Variants in CTNNA3 observed in about 807,000 individuals in gnomAD.
CTNNA3 encodes the protein catenin alpha 3.
CTNNA3 carries 76 observed loss-of-function variants against 95.7 expected under a neutral mutation model. The ratio of observed to expected loss-of-function variants is 0.79; its 90% CI spans 0.66 to 0.96. CTNNA3 has a LOEUF of 0.96. Ranked by LOEUF, CTNNA3 falls within the 40% of genes least tolerant of loss-of-function variation. CTNNA3 has a pLI of 0.00. For missense variants in CTNNA3, 1,191 were observed against 1,089.8 expected, an observed-to-expected ratio of 1.09 and a Z score of -1.31; for synonymous variants, 431 against 374.4, an observed-to-expected ratio of 1.15 and a Z score of -1.74.
chr10:66,378,499 T>C (rs1176933738), intron 12 of CTNNA3, among the ~76,000 whole-genome samples: 1 of 152,176 alleles, frequency 6.6e-6, no homozygotes, highest in East Asian at 1.9e-4. Context: ...TTTGAATCCA[T>C]ATGAATTCAG....
chr10:67,750,814 T>C, intron 1 of CTNNA3: 1 of 1,610,106 alleles, frequency 6.2e-7, no homozygotes, highest in Non-Finnish European at 8.5e-7. Flanking sequence ...TGGACTGAAA[T>C]ATAAACCAGT....
intron 1 of CTNNA3, among the ~76,000 whole-genome samples, chr10:67,716,602 G>C (rs1031257992): frequency 2.0e-5 from 3 of 152,122 alleles, no homozygotes; most frequent in African/African-American, 7.2e-5. Context: ...TTAGTTTGCT[G>C]ACAACGATGG....
At chr10:66,742,605 C>A (rs1244145149) in intron 9 of CTNNA3, among the ~76,000 whole-genome samples, 1 of 152,106 alleles carries the variant, frequency 6.6e-6, no homozygotes, top group Admixed American at 6.6e-5. Context: ...AGGATGTCTC[C>A]CCCGGACACC....
intron 7 of CTNNA3, among the ~76,000 whole-genome samples, chr10:66,804,649 G>T (rs1841568365): frequency 6.6e-6 from 1 of 151,950 alleles, no homozygotes; most frequent in Admixed American, 6.6e-5. Context: ...CTAGATGAAC[G>T]TTTATTAAAC....
chr10:67,145,896 T>C (rs1746596411), intron 7 of CTNNA3, among the ~76,000 whole-genome samples: 1 of 152,338 alleles, frequency 6.6e-6, no homozygotes, highest in Non-Finnish European at 1.5e-5. Flanking sequence ...GTTATTACCA[T>C]ATTGAGGATT....
intron 3 of CTNNA3, among the ~76,000 whole-genome samples, chr10:67,603,050 T>A (rs2133372136): frequency 6.6e-6 from 1 of 152,294 alleles, no homozygotes; most frequent in South Asian, 2.1e-4. Context: ...TAACTAACAG[T>A]CATGATTTAC....
At chr10:66,371,695 C>T (rs549944253) in intron 12 of CTNNA3, among the ~76,000 whole-genome samples, 21 of 152,196 alleles carry the variant, frequency 1.4e-4, no homozygotes, top group African/African-American at 4.8e-4. Flanking sequence ...TCCCCCTTTG[C>T]TAACAGACTT....
At chr10:67,757,876 T>A (rs1404795853) in intron 1 of CTNNA3, among the ~76,000 whole-genome samples, 1 of 152,144 alleles carries the variant, frequency 6.6e-6, no homozygotes, top group African/African-American at 2.4e-5. Flanking sequence ...ATTAGTTCTG[T>A]CCCTCTAGAG....
At chr10:66,851,071 G>A (rs1180783112) in intron 7 of CTNNA3, among the ~76,000 whole-genome samples, 1 of 152,024 alleles carries the variant, frequency 6.6e-6, no homozygotes, top group Non-Finnish European at 1.5e-5. Context: ...CTCTCACCCT[G>A]GCAAAGACAA....
chr10:67,203,545 C>A (rs903001737), intron 6 of CTNNA3, among the ~76,000 whole-genome samples: 3 of 152,172 alleles, frequency 2.0e-5, no homozygotes, highest in African/African-American at 4.8e-5. Flanking sequence ...TCTAAGCTAT[C>A]TTGGGCCACT....
chr10:66,329,037 G>T (rs1205114387), intron 12 of CTNNA3, among the ~76,000 whole-genome samples: 2 of 149,622 alleles, frequency 1.3e-5, no homozygotes, highest in Admixed American at 6.7e-5. Context: ...TGCAACCTCT[G>T]CCTCCGGAAT....
At chr10:66,766,717 G>A (rs1328005830) in intron 8 of CTNNA3, among the ~76,000 whole-genome samples, 1 of 152,130 alleles carries the variant, frequency 6.6e-6, no homozygotes, top group South Asian at 2.1e-4. Flanking sequence ...CAAAGAAATT[G>A]TGTTATTAGA....
chr10:66,860,474 C>A (rs1354207157), intron 7 of CTNNA3, among the ~76,000 whole-genome samples: 7 of 152,126 alleles, frequency 4.6e-5, no homozygotes, highest in Non-Finnish European at 8.8e-5. Context: ...AAAAATATAA[C>A]AAACAGATGG....
chr10:67,387,530 G>A (rs375536459), intron 5 of CTNNA3, among the ~76,000 whole-genome samples: 34 of 152,310 alleles, frequency 2.2e-4, no homozygotes, highest in African/African-American at 7.0e-4. Context: ...CAAAGCAGCC[G>A]GGAAGCTCGA....
chr10:67,439,531 C>G (rs1846422565), intron 5 of CTNNA3, among the ~76,000 whole-genome samples: 1 of 152,188 alleles, frequency 6.6e-6, no homozygotes, highest in South Asian at 2.1e-4. Flanking sequence ...ACTATCGTGA[C>G]AACAGCACCA....
intron 5 of CTNNA3, among the ~76,000 whole-genome samples, chr10:67,514,723 T>G (rs571550756): frequency 1.7e-4 from 26 of 150,984 alleles, no homozygotes; most frequent in Middle Eastern, 3.4e-3. Flanking sequence ...TTTTGTTGTT[T>G]TTTTTTTTTT....
intron 3 of CTNNA3, among the ~76,000 whole-genome samples, chr10:67,596,220 T>C (rs1328746661): frequency 1.3e-5 from 2 of 152,230 alleles, no homozygotes; most frequent in Admixed American, 6.5e-5. Flanking sequence ...TGCTTTATAG[T>C]GCATTGGATC....
chr10:67,153,225 C>T (rs1861162861), intron 7 of CTNNA3, among the ~76,000 whole-genome samples: 1 of 152,188 alleles, frequency 6.6e-6, no homozygotes, highest in South Asian at 2.1e-4. Flanking sequence ...ATCCACCCAC[C>T]TTGACCTCCC....
chr10:67,223,320 C>G (rs1180635497), intron 5 of CTNNA3, among the ~76,000 whole-genome samples: 1 of 152,180 alleles, frequency 6.6e-6, no homozygotes, highest in Non-Finnish European at 1.5e-5. Flanking sequence ...TTTATTTTAA[C>G]TGATGATACC....
Sources: gnomAD v4.1 joint callset for allele counts (sites outside exome capture counted in the v4.1 genomes callset) on GRCh38, gnomAD v4.1.1 for gene constraint, MANE v1.5 for transcripts, NCBI Gene and HGNC (gene_info 2026-07-23, HGNC 2026-07-21) for gene names.